The following GLIS3 variants were observed in gnomAD, a reference collection of about 807,000 sequenced individuals.
GLIS3 encodes the protein GLIS family zinc finger 3, also known as zinc finger protein GLIS3.
A neutral mutation model predicts 78.6 loss-of-function variants in GLIS3; 53 were observed. That is an observed-to-expected ratio of 0.67 (90% CI 0.54 to 0.85). The LOEUF (loss-of-function observed/expected upper bound fraction) is 0.85. GLIS3 is among the 40% of genes least tolerant of loss of function. The pLI is 0.00. For missense variants in GLIS3, 1,703 were observed against 1,231.1 expected (o/e 1.38, Z -5.74); for synonymous variants, 684 against 509.9 (o/e 1.34, Z -4.60).
At chr9:4,306,301 G>T (rs1587374980) in intron 4 of GLIS3, among the ~76,000 whole-genome samples, 1 of 129,436 alleles carries the variant, frequency 7.7e-6, no homozygotes, top group Admixed American at 8.7e-5. Context: ...GGGTTTTTCA[G>T]GGTAAAGTTA....
chr9:4,174,415 C>CA (rs1410590983), intron 2 of GLIS3, among the ~76,000 whole-genome samples: 1 of 151,894 alleles, frequency 6.6e-6, no homozygotes, highest in East Asian at 1.9e-4. Flanking sequence ...ATGTGGTATA[C>CA]AAAAAAATAT....
chr9:4,205,881 A>G (rs1243152398), intron 2 of GLIS3, among the ~76,000 whole-genome samples: 1 of 152,262 alleles, frequency 6.6e-6, no homozygotes. Context: ...CCTTTAAGAA[A>G]TATGAATAAA....
At chr9:4,079,801 C>G (rs1828394997) in intron 4 of GLIS3, among the ~76,000 whole-genome samples, 1 of 149,190 alleles carries the variant, frequency 6.7e-6, no homozygotes, top group South Asian at 2.1e-4. Context: ...TGTAATCATT[C>G]AAAGCACCCA....
the GLIS3 span, among the ~76,000 whole-genome samples, chr9:4,432,848 C>T: frequency 1.4e-4 from 22 of 151,982 alleles, no homozygotes; most frequent in African/African-American, 5.3e-4. Flanking sequence ...ATCACGTTGC[C>T]CAGTCTGGTC....
chr9:4,292,763 C>G (rs1186243827), intron 1 of GLIS3, among the ~76,000 whole-genome samples: 1 of 152,084 alleles, frequency 6.6e-6, no homozygotes, highest in Non-Finnish European at 1.5e-5. Context: ...AGGTAACTTC[C>G]CTGGAATAAA....
chr9:3,911,433 A>G (rs1280169030), intron 6 of GLIS3, among the ~76,000 whole-genome samples: 2 of 152,198 alleles, frequency 1.3e-5, no homozygotes, highest in Admixed American at 6.5e-5. Flanking sequence ...GCTGGCTACC[A>G]TGTACCCTTC....
intron 4 of GLIS3, among the ~76,000 whole-genome samples, chr9:4,098,997 G>A (rs977466589): frequency 7.9e-5 from 12 of 152,148 alleles, no homozygotes; most frequent in African/African-American, 2.9e-4. Flanking sequence ...AGACCAGAAT[G>A]TGTCCCGAAG....
chr9:4,376,168 G>A, the GLIS3 span, among the ~76,000 whole-genome samples: 1 of 152,160 alleles, frequency 6.6e-6, no homozygotes, highest in Non-Finnish European at 1.5e-5. Context: ...AAGTTCTCAG[G>A]CATGACTCTG....
chr9:4,281,517 A>G (rs1485061934), intron 2 of GLIS3, among the ~76,000 whole-genome samples: 1 of 152,220 alleles, frequency 6.6e-6, no homozygotes. Flanking sequence ...AACTTCATAC[A>G]AAAGGAATCA....
chr9:3,870,637 T>A (rs1820912536), intron 8 of GLIS3, among the ~76,000 whole-genome samples: 1 of 152,112 alleles, frequency 6.6e-6, no homozygotes, highest in African/African-American at 2.4e-5. Flanking sequence ...GATAAAACCA[T>A]CAGGTCTCGT....
intron 1 of GLIS3, among the ~76,000 whole-genome samples, chr9:4,295,459 G>A (rs1816396052): frequency 6.6e-6 from 1 of 152,158 alleles, no homozygotes; most frequent in African/African-American, 2.4e-5. Context: ...TTTAAAGGGG[G>A]AGTCCAAATT....
In GLIS3 at chr9:3,826,093, C is replaced by G. The variant is rs1319343288; in HGVS notation, c.*2179G>C. 1 of 152,038 alleles carries G rather than the reference C, an allele frequency of 6.6e-6. No individual in the cohort carries two copies. Among genetic ancestry groups the G allele is most frequent in the African/African-American group, 2.4e-5 (1 of 41,308 alleles). 9.4% of individuals were successfully genotyped at this position (152,038 alleles called of 1,614,324 possible). A position where few individuals can be genotyped will look rare whatever the true frequency, so the allele number is the denominator to read the frequency against. On this transcript the variant is annotated 3_prime_UTR_variant, in exon 11 of 11. Transcript: ENST00000381971. ...GTTGAGCTTCTGTCTTGTCCTCCTTCCCCCTTTCTATTTTAAATTACATAA... is the reference window on the plus strand; with the variant it reads ...GTTGAGCTTCTGTCTTGTCCTCCTTGCCCCTTTCTATTTTAAATTACATAA...
At chr9:4,133,053 C>A (rs1833092606) in intron 2 of GLIS3, among the ~76,000 whole-genome samples, 1 of 152,148 alleles carries the variant, frequency 6.6e-6, no homozygotes, top group African/African-American at 2.4e-5. Context: ...TCCTTGAAAA[C>A]ATTTTTAAAG....
At chr9:4,200,988 T>C (rs1213452577) in intron 2 of GLIS3, among the ~76,000 whole-genome samples, 1 of 152,198 alleles carries the variant, frequency 6.6e-6, no homozygotes, top group African/African-American at 2.4e-5. Flanking sequence ...TAGTTCACCA[T>C]AATCAATTAG....
chr9:4,183,592 C>G (rs1817519314), intron 2 of GLIS3, among the ~76,000 whole-genome samples: 1 of 152,188 alleles, frequency 6.6e-6, no homozygotes, highest in Non-Finnish European at 1.5e-5. Flanking sequence ...CTCTACCAGT[C>G]AAGACCTCTG....
At chr9:4,424,161 A>G in the GLIS3 span, among the ~76,000 whole-genome samples, 1 of 152,210 alleles carries the variant, frequency 6.6e-6, no homozygotes, top group Admixed American at 6.5e-5. Flanking sequence ...TTTTTAAGTG[A>G]TATTTCAAAA....
chr9:3,895,651 A>G (rs370835642), intron 7 of GLIS3, among the ~76,000 whole-genome samples: 120 of 152,314 alleles, frequency 7.9e-4, no homozygotes, highest in African/African-American at 2.8e-3. Flanking sequence ...AGGGAAGGCA[A>G]CACTTCAGGA....
At chr9:4,429,090 T>G in the GLIS3 span, among the ~76,000 whole-genome samples, 1 of 152,144 alleles carries the variant, frequency 6.6e-6, no homozygotes, top group African/African-American at 2.4e-5. Context: ...ATCTTGTAAG[T>G]CAAAACCAGC....
chr9:4,023,780 A>C (rs1396354986), intron 4 of GLIS3, among the ~76,000 whole-genome samples: 2 of 152,222 alleles, frequency 1.3e-5, no homozygotes, highest in Non-Finnish European at 2.9e-5. Flanking sequence ...ATGAGACAGA[A>C]GCCTTTATCC....
Sources: allele counts gnomAD v4.1 joint callset (sites outside exome capture counted in the v4.1 genomes callset), GRCh38; gene constraint gnomAD v4.1.1; transcripts MANE v1.5; gene names NCBI Gene and HGNC (gene_info 2026-07-23, HGNC 2026-07-21).